The following HS6ST3 variants were observed in gnomAD, a reference collection of about 807,000 sequenced individuals.
HS6ST3 encodes the protein heparan sulfate 6-O-sulfotransferase 3, also known as heparan-sulfate 6-O-sulfotransferase 3.
A neutral mutation model predicts 36.7 loss-of-function variants in HS6ST3; 12 were observed. The ratio of observed to expected loss-of-function variants is 0.33; its 90% CI spans 0.21 to 0.53. The LOEUF (loss-of-function observed/expected upper bound fraction) is 0.53. Ranked by LOEUF, HS6ST3 falls within the 20% of genes least tolerant of loss-of-function variation. The pLI is 0.95. For missense variants in HS6ST3, 584 were observed against 640.9 expected (o/e 0.91, Z 0.96); for synonymous variants, 240 against 257.5 (o/e 0.93, Z 0.65).
chr13:96,731,184 C>T (rs370157292), intron 1 of HS6ST3, among the ~76,000 whole-genome samples: 2 of 152,300 alleles, frequency 1.3e-5, no homozygotes, highest in East Asian at 3.9e-4. Context: ...ATCTCTTGAA[C>T]TTATTCCTTC....
At chr13:96,320,997 C>T (rs1200051513) in intron 1 of HS6ST3, among the ~76,000 whole-genome samples, 1 of 152,122 alleles carries the variant, frequency 6.6e-6, no homozygotes, top group African/African-American at 2.4e-5. Flanking sequence ...CTGGTGCATG[C>T]AGGAAGCATG....
At chr13:96,784,789 G>A (rs1877605611) in intron 1 of HS6ST3, among the ~76,000 whole-genome samples, 1 of 152,084 alleles carries the variant, frequency 6.6e-6, no homozygotes, top group Admixed American at 6.6e-5. Flanking sequence ...AATAGAAACA[G>A]TGTTCCATGA....
intron 1 of HS6ST3, among the ~76,000 whole-genome samples, chr13:96,426,080 A>G (rs2055585415): frequency 6.6e-6 from 1 of 151,384 alleles, no homozygotes; most frequent in Non-Finnish European, 1.5e-5. Flanking sequence ...TAGGTCAAAT[A>G]TTGGTTAGTC....
intron 1 of HS6ST3, among the ~76,000 whole-genome samples, chr13:96,680,393 G>C (rs1410257182): frequency 6.6e-6 from 1 of 152,156 alleles, no homozygotes; most frequent in African/African-American, 2.4e-5. Context: ...GAGATCCCCA[G>C]ACTGCTCTGA....
chr13:96,515,546 T>C (rs1420917150), intron 1 of HS6ST3, among the ~76,000 whole-genome samples: 1 of 152,242 alleles, frequency 6.6e-6, no homozygotes, highest in Non-Finnish European at 1.5e-5. Context: ...TCTCCTTTCA[T>C]CTTACATGCT....
intron 1 of HS6ST3, among the ~76,000 whole-genome samples, chr13:96,423,996 A>G (rs1350274499): frequency 6.6e-6 from 1 of 152,184 alleles, no homozygotes; most frequent in Non-Finnish European, 1.5e-5. Flanking sequence ...TTCCAATTTT[A>G]CACTTCATAA....
rs2056494805 is a variant in HS6ST3 at position 96,621,465 on chromosome 13, C to T, written c.708-211025C>T. 2.6e-5 allele frequency among the ~76,000 whole-genome samples: 4 copies of T among 152,230 alleles called. No individual in the cohort carries two copies. In the South Asian group the frequency reaches 8.3e-4, roughly 32 times the overall value. ...ACCTTCTGCCATGATTGTAAGTTTCCTGAGGCCTCCCAGCCATGTGGAACT... is the reference window on the plus strand; with the variant it reads ...ACCTTCTGCCATGATTGTAAGTTTCTTGAGGCCTCCCAGCCATGTGGAACT... On this transcript the variant is annotated intron_variant, in intron 1 of 1. Coordinates refer to ENST00000376705, the MANE Select transcript of HS6ST3 (RefSeq NM_153456.4).
Position 96,614,297 on chromosome 13 carries a change from C to CAAAAAAAAAA in HS6ST3, c.708-218171_708-218162dup, listed in dbSNP as rs67979751. ...TGGGCAACAGAGCAAGGATCCATCT[C>CAAAAAAAAAA]AAAAAAAAAAAAAAAAAAAAAAAAA... On this transcript the variant is annotated intron_variant, in intron 1 of 1. Coordinates refer to ENST00000376705, the MANE Select transcript of HS6ST3 (RefSeq NM_153456.4). Among the ~76,000 whole-genome samples, 64 of 43,982 alleles carry CAAAAAAAAAA rather than the reference C, an allele frequency of 1.5e-3. 6 individuals carry two copies. Among genetic ancestry groups the CAAAAAAAAAA allele is most frequent in the Non-Finnish European group, 1.8e-3 (49 of 26,542 alleles). The allele number at this position is 43,982 out of a possible 152,430, so 28.9% of individuals were successfully genotyped here.
chr13:96,343,387 T>C (rs191492210), intron 1 of HS6ST3, among the ~76,000 whole-genome samples: 1 of 152,324 alleles, frequency 6.6e-6, no homozygotes, highest in East Asian at 1.9e-4. Context: ...TTCCTTGGCC[T>C]GTGGCACCTT....
intron 1 of HS6ST3, among the ~76,000 whole-genome samples, chr13:96,323,829 C>G (rs1253209321): frequency 6.6e-6 from 1 of 152,232 alleles, no homozygotes; most frequent in Non-Finnish European, 1.5e-5. Flanking sequence ...ATTTTCTTCC[C>G]ACCACCAGCA....
intron 1 of HS6ST3, among the ~76,000 whole-genome samples, chr13:96,330,314 C>T (rs1368271906): frequency 6.6e-6 from 1 of 151,988 alleles, no homozygotes; most frequent in Non-Finnish European, 1.5e-5. Context: ...TTTGCAGCGG[C>T]CGGTACCGGT....
At chr13:96,202,542 C>T (rs2054348158) in intron 1 of HS6ST3, among the ~76,000 whole-genome samples, 1 of 152,280 alleles carries the variant, frequency 6.6e-6, no homozygotes, top group Middle Eastern at 3.4e-3. Flanking sequence ...CTTCAGCATC[C>T]CTGATGCAAC....
At chr13:96,755,274 T>A (rs1448660471) in intron 1 of HS6ST3, among the ~76,000 whole-genome samples, 2 of 152,220 alleles carry the variant, frequency 1.3e-5, no homozygotes, top group African/African-American at 4.8e-5. Context: ...CTTTTGTGTT[T>A]GCCTTGTTTT....
intron 1 of HS6ST3, among the ~76,000 whole-genome samples, chr13:96,407,296 T>A (rs1385986439): frequency 6.6e-6 from 1 of 152,234 alleles, no homozygotes; most frequent in Non-Finnish European, 1.5e-5. Context: ...CCTTATATAG[T>A]TCTTCAGGCA....
Position 96,090,834 on chromosome 13 carries a change from GCT to G in HS6ST3, c.-28_-27del. On this transcript the variant is annotated 5_prime_UTR_variant, in exon 1 of 2. It removes the in-frame stop codon of an upstream open reading frame in the 5' UTR. Transcript: ENST00000376705. The stretch of plus-strand genomic sequence containing the variant: ...CCGCCCTGCCGCCGCCGCCGCCGCC[GCT>G]TCGCCTGCCGGCCTGAGAGCGGGAC... 1 of 1,465,284 alleles carries G rather than the reference GCT, an allele frequency of 6.8e-7. No individual in the cohort carries two copies. The highest frequency in any genetic ancestry group is 9.1e-7 in the Non-Finnish European group (1 of 1,102,998). 90.8% of individuals were successfully genotyped at this position (1,465,284 alleles called of 1,614,324 possible). A position where few individuals can be genotyped will look rare whatever the true frequency, so the allele number is the denominator to read the frequency against.
chr13:96,623,385 A>G (rs1197563852), intron 1 of HS6ST3, among the ~76,000 whole-genome samples: 1 of 151,946 alleles, frequency 6.6e-6, no homozygotes, highest in Non-Finnish European at 1.5e-5. Context: ...ATTAGGCTTT[A>G]AACTTTGCTT....
chr13:96,747,784 T>G (rs1389456457), intron 1 of HS6ST3, among the ~76,000 whole-genome samples: 6 of 151,918 alleles, frequency 3.9e-5, no homozygotes, highest in Non-Finnish European at 8.8e-5. Context: ...AAATGAGTGG[T>G]TGAAGCAGAC....
intron 1 of HS6ST3, among the ~76,000 whole-genome samples, chr13:96,506,455 A>G (rs140444640): frequency 1.3e-5 from 2 of 152,268 alleles, no homozygotes; most frequent in East Asian, 3.9e-4. Flanking sequence ...AAGTGGGGAA[A>G]CTTCCCATGA....
chr13:96,137,104 C>T (rs1170742631), intron 1 of HS6ST3, among the ~76,000 whole-genome samples: 3 of 152,050 alleles, frequency 2.0e-5, no homozygotes, highest in Non-Finnish European at 4.4e-5. Flanking sequence ...ATATACCTTG[C>T]AGCTACTTCC....
Sources: gnomAD v4.1 joint callset for allele counts (sites outside exome capture counted in the v4.1 genomes callset) on GRCh38, gnomAD v4.1.1 for gene constraint, MANE v1.5 for transcripts, NCBI Gene and HGNC (gene_info 2026-07-23, HGNC 2026-07-21) for gene names.